Variants in MYO1D observed in about 807,000 individuals in gnomAD.
MYO1D encodes the protein unconventional myosin-Id.
Under a neutral mutation model 122.0 loss-of-function variants are expected in MYO1D, and 83 were observed. The observed-to-expected ratio is 0.68, with a 90% CI of 0.57 to 0.82. MYO1D has a LOEUF of 0.82. MYO1D is among the 40% of genes least tolerant of loss of function. The pLI is 0.00. For missense variants in MYO1D, 1,157 were observed against 1,269.5 expected, an observed-to-expected ratio of 0.91 and a Z score of 1.35; for synonymous variants, 464 against 446.9, an observed-to-expected ratio of 1.04 and a Z score of -0.48.
At chr17:32,736,455 C>G (rs1296325969) in intron 14 of MYO1D, among the ~76,000 whole-genome samples, 1 of 152,160 alleles carries the variant, frequency 6.6e-6, no homozygotes, top group Admixed American at 6.5e-5. Context: ...GTGCCAAGCA[C>G]TAGGATGGTA....
In MYO1D at chr17:32,745,127, A is replaced by G. The variant is rs2089818565; in HGVS notation, c.1613+84T>C. The G allele has an allele frequency of 3.9e-6, 3 of 768,280 alleles. No individual in the cohort carries two copies. In the South Asian group the frequency reaches 5.1e-5, roughly 13 times the overall value. 47.6% of individuals were successfully genotyped at this position (768,280 alleles called of 1,614,324 possible). A position where few individuals can be genotyped will look rare whatever the true frequency, so the allele number is the denominator to read the frequency against. ...AGAAAATGTGCCAGAAACTCTTAAA[A>G]TTGCATATAAATATAACCATGTGCA... is the stretch of plus-strand genomic sequence containing the variant. On this transcript the variant is annotated intron_variant, in intron 13 of 21. Transcript: ENST00000318217.
chr17:32,714,351 G>A (rs1355241592), intron 15 of MYO1D, among the ~76,000 whole-genome samples: 1 of 151,974 alleles, frequency 6.6e-6, no homozygotes, highest in Non-Finnish European at 1.5e-5. Flanking sequence ...TTAGTCTGCT[G>A]AGGATAGTGG....
chr17:32,780,218 T>C (rs1215643878), intron 2 of MYO1D, among the ~76,000 whole-genome samples: 1 of 152,228 alleles, frequency 6.6e-6, no homozygotes, highest in Non-Finnish European at 1.5e-5. Context: ...ATTCTTCCTT[T>C]TCACACCTCA....
intron 21 of MYO1D, among the ~76,000 whole-genome samples, chr17:32,547,457 C>G (rs2086972982): frequency 6.6e-6 from 1 of 152,218 alleles, no homozygotes; most frequent in African/African-American, 2.4e-5. Flanking sequence ...AAATGCCACG[C>G]TTTTCCATAT....
intron 21 of MYO1D, among the ~76,000 whole-genome samples, chr17:32,560,554 T>TATATATATATATATATATATATATATAC (rs2087112648): frequency 8.1e-6 from 1 of 123,988 alleles, no homozygotes; most frequent in Non-Finnish European, 1.7e-5. Context: ...TATATATATA[T>TATATATATATATATATATATATATATAC]ATATATATAT....
At chr17:32,859,978 T>A (rs1598161624) in intron 1 of MYO1D, among the ~76,000 whole-genome samples, 2 of 152,316 alleles carry the variant, frequency 1.3e-5, no homozygotes, top group African/African-American at 4.8e-5. Flanking sequence ...CACATTCCTC[T>A]TACCAGTGGC....
intron 21 of MYO1D, among the ~76,000 whole-genome samples, chr17:32,516,474 TTC>T (rs1909894872): frequency 6.6e-6 from 1 of 152,182 alleles, no homozygotes; most frequent in Non-Finnish European, 1.5e-5. Context: ...AAAGTGTGGG[TTC>T]TCTCAGGCCA....
At chr17:32,831,307 T>C (rs185533304) in intron 1 of MYO1D, among the ~76,000 whole-genome samples, 166 of 152,324 alleles carry the variant, frequency 1.1e-3, no homozygotes, top group African/African-American at 3.7e-3. Flanking sequence ...TTTTTGTTAT[T>C]TTTTGCTGTC....
At chr17:32,661,816 AC>A (rs2088569942) in intron 16 of MYO1D, among the ~76,000 whole-genome samples, 1 of 152,156 alleles carries the variant, frequency 6.6e-6, no homozygotes, top group Non-Finnish European at 1.5e-5. Flanking sequence ...TGTTTACATT[AC>A]CTATATTAAC....
Position 32,659,312 on chromosome 17 carries a change from C to T in MYO1D, c.2148G>A (p.Met716Ile), listed in dbSNP as rs1369476512. ...QKVWRGTLAR[M>I]RYKRTKAALT... is the part of the protein sequence containing the mutation. ...GAGCTGCCTTGGTTCTTTTGTACCG[C>T]ATGCGGGCCAGGGTGCCCCGCCACA... is the stretch of plus-strand genomic sequence containing the variant. The change falls in exon 17 of 22, where the codon ATG becomes ATA. Residue 716 changes from methionine to isoleucine, a missense_variant. Physicochemically the swap from Met to Ile is conservative, Grantham distance 10. Coordinates refer to ENST00000318217, the MANE Select transcript of MYO1D (RefSeq NM_015194.3). 3.7e-6 allele frequency: 6 copies of T among 1,614,172 alleles called. No individual in the cohort carries two copies. The East Asian group carries it at 8.9e-5, about 24-fold the overall frequency.
chr17:32,834,747 C>T (rs940541387), intron 1 of MYO1D, among the ~76,000 whole-genome samples: 2 of 152,230 alleles, frequency 1.3e-5, no homozygotes, highest in African/African-American at 4.8e-5. Context: ...GGCACGGTAG[C>T]TCCCACCTTT....
intron 1 of MYO1D, among the ~76,000 whole-genome samples, chr17:32,865,314 A>G (rs2091114464): frequency 1.3e-5 from 2 of 152,078 alleles, no homozygotes; most frequent in Admixed American, 6.5e-5. Flanking sequence ...AAGTTACTCA[A>G]AGCCGACTTT....
chr17:32,619,058 G>C (rs748440071), intron 20 of MYO1D, among the ~76,000 whole-genome samples: 27 of 151,972 alleles, frequency 1.8e-4, no homozygotes, highest in Non-Finnish European at 3.5e-4. Context: ...TGAGTTCCTG[G>C]GCTCGTCTTG....
chr17:32,665,729 C>T (rs747278107), intron 16 of MYO1D, among the ~76,000 whole-genome samples: 3 of 152,172 alleles, frequency 2.0e-5, no homozygotes, highest in Admixed American at 6.5e-5. Flanking sequence ...GTATAGGGAT[C>T]GTTGGCCCTC....
At chr17:32,788,988 G>T (rs2090325071) in intron 1 of MYO1D, among the ~76,000 whole-genome samples, 1 of 139,880 alleles carries the variant, frequency 7.1e-6, no homozygotes, top group Non-Finnish European at 1.6e-5. Flanking sequence ...ATATTCCTAA[G>T]TTTTTTTGTT....
intron 16 of MYO1D, among the ~76,000 whole-genome samples, chr17:32,687,931 A>T (rs544360135): frequency 6.6e-6 from 1 of 152,304 alleles, no homozygotes; most frequent in African/African-American, 2.4e-5. Context: ...GCTGCCCTCC[A>T]TAATTTATAA....
intron 14 of MYO1D, among the ~76,000 whole-genome samples, chr17:32,729,965 T>C (rs889703929): frequency 2.6e-5 from 4 of 152,234 alleles, no homozygotes; most frequent in African/African-American, 4.8e-5. Flanking sequence ...TGGATTCTTT[T>C]TCTTCAGTCT....
intron 14 of MYO1D, among the ~76,000 whole-genome samples, chr17:32,734,364 A>G (rs755886758): frequency 1.3e-5 from 2 of 152,044 alleles, no homozygotes; most frequent in Non-Finnish European, 2.9e-5. Flanking sequence ...TTTTTTGTTC[A>G]TAATTTTTTA....
intron 16 of MYO1D, among the ~76,000 whole-genome samples, chr17:32,668,153 CATCTTGAAAATCTCTCAAGACT>C (rs2088661942): frequency 6.6e-6 from 1 of 152,154 alleles, no homozygotes; most frequent in South Asian, 2.1e-4. Flanking sequence ...CTTGGTAATT[CATCTTGAAAATCTCTCAAGACT>C]ATCTAAACTG....
Sources: allele counts gnomAD v4.1 joint callset (sites outside exome capture counted in the v4.1 genomes callset), GRCh38; gene constraint gnomAD v4.1.1; transcripts MANE v1.5; gene names NCBI Gene and HGNC (gene_info 2026-07-23, HGNC 2026-07-21).